Variants in FAM13A observed in about 807,000 individuals in gnomAD.
The protein encoded by FAM13A is family with sequence similarity 13 member A.
A neutral mutation model predicts 129.6 loss-of-function variants in FAM13A; 76 were observed. That is an observed-to-expected ratio of 0.59 (90% CI 0.49 to 0.71). The LOEUF is 0.71. Ranked by LOEUF, FAM13A falls within the 30% of genes least tolerant of loss-of-function variation. The pLI is 0.00. For missense variants in FAM13A, 1,108 were observed against 1,249.3 expected (o/e 0.89, Z 1.70); for synonymous variants, 443 against 449.9 (o/e 0.98, Z 0.20).
chr4:88,999,786 T>C (rs1323025761), intron 3 of FAM13A, among the ~76,000 whole-genome samples: 1 of 152,202 alleles, frequency 6.6e-6, no homozygotes, highest in Non-Finnish European at 1.5e-5. Flanking sequence ...ATGGGTTCAG[T>C]AAAGCAGGTG....
At chr4:89,031,268 TA>T (rs1221885015) in intron 1 of FAM13A, among the ~76,000 whole-genome samples, 4 of 151,608 alleles carry the variant, frequency 2.6e-5, no homozygotes, top group Admixed American at 6.6e-5. Context: ...TAACAAAACT[TA>T]AAAAAAAATT....
chr4:88,829,311 T>C (rs1299616504), intron 7 of FAM13A, among the ~76,000 whole-genome samples: 2 of 152,206 alleles, frequency 1.3e-5, no homozygotes, highest in African/African-American at 4.8e-5. Context: ...TGGTGGTATG[T>C]GCCTGTGATC....
intron 6 of FAM13A, among the ~76,000 whole-genome samples, chr4:88,889,908 A>C (rs1360986125): frequency 6.6e-6 from 1 of 152,222 alleles, no homozygotes; most frequent in East Asian, 1.9e-4. Flanking sequence ...TTGTTACAGC[A>C]GTTAGCATTA....
chr4:88,823,808 C>A (rs183937918), intron 7 of FAM13A, among the ~76,000 whole-genome samples: 3 of 152,286 alleles, frequency 2.0e-5, no homozygotes, highest in South Asian at 4.1e-4. Context: ...CATCACCCAG[C>A]GCACGTAGCT....
At chr4:88,965,370 A>G (rs1279371932) in intron 4 of FAM13A, among the ~76,000 whole-genome samples, 1 of 152,222 alleles carries the variant, frequency 6.6e-6, no homozygotes, top group African/African-American at 2.4e-5. Flanking sequence ...ACTTCTCTCA[A>G]TTAAACAAAA....
intron 4 of FAM13A, among the ~76,000 whole-genome samples, chr4:88,949,237 AC>A (rs1756511157): frequency 6.6e-6 from 1 of 152,166 alleles, no homozygotes; most frequent in Admixed American, 6.5e-5. Context: ...TTAATTTGTA[AC>A]CCCTTTTGGT....
intron 8 of FAM13A, among the ~76,000 whole-genome samples, chr4:88,802,316 C>T (rs1245627546): frequency 6.6e-6 from 1 of 152,148 alleles, no homozygotes; most frequent in Non-Finnish European, 1.5e-5. Flanking sequence ...TGTTTGAGCT[C>T]CTATAACTGC....
intron 19 of FAM13A, 55 bp downstream of exon 19, chr4:88,746,877 C>T: frequency 2.7e-6 from 3 of 1,131,618 alleles, no homozygotes; most frequent in Non-Finnish European, 4.0e-6. Context: ...CATAGAAAAT[C>T]CATTTCTAAA....
At chr4:88,802,253 T>C (rs1386515179) in intron 8 of FAM13A, among the ~76,000 whole-genome samples, 1 of 151,576 alleles carries the variant, frequency 6.6e-6, no homozygotes, top group Non-Finnish European at 1.5e-5. Context: ...TCCCTAATCA[T>C]TTCAACTGGG....
chr4:88,863,122 C>T (rs558549623), intron 6 of FAM13A, among the ~76,000 whole-genome samples: 2 of 151,994 alleles, frequency 1.3e-5, no homozygotes, highest in African/African-American at 4.8e-5. Flanking sequence ...AGGCTGAAAA[C>T]TGCTAGAGAG....
chr4:88,828,102 A>G (rs776765160), intron 7 of FAM13A, among the ~76,000 whole-genome samples: 1 of 152,048 alleles, frequency 6.6e-6, no homozygotes, highest in African/African-American at 2.4e-5. Context: ...AATCCTACCT[A>G]TACTTTAGGT....
At chr4:88,981,934 A>T (rs1414571363) in intron 4 of FAM13A, among the ~76,000 whole-genome samples, 2 of 152,226 alleles carry the variant, frequency 1.3e-5, no homozygotes, top group Non-Finnish European at 2.9e-5. Context: ...TCAGGAATTA[A>T]GATCCGAGTC....
rs779525517 is a variant in FAM13A, at chr4:88,758,792, G to A, written c.1688C>T (p.Ser563Leu). The change falls in exon 14 of 24, where the codon TCG becomes TTG. Residue 563 changes from serine (S) to leucine (L), a missense_variant. Transcript: ENST00000264344. ...TTCATCACACAATGCAGTCAGGTCC[G>A]ACTGGGGCACTTCGGAGACAAAGCT... Reference protein sequence around the residue: ...EESFVSEVPQSDLTALCDEKN... With the variant: ...EESFVSEVPQLDLTALCDEKN... 3.7e-6 allele frequency: 6 copies of A among 1,613,838 alleles called. No homozygotes were observed. Among genetic ancestry groups the A allele is most frequent in the Admixed American group, 1.7e-5 (1 of 59,992 alleles).
At chr4:88,880,783 C>CGGGGGGGGGGG (rs70959631) in intron 6 of FAM13A, among the ~76,000 whole-genome samples, 1 of 30,054 alleles carries the variant, frequency 3.3e-5, no homozygotes, top group African/African-American at 1.6e-4. Flanking sequence ...CGGTGGGGGG[C>CGGGGGGGGGGG]GGGGGGGGGG....
Position 89,056,942 on chromosome 4 carries a change from A to C in FAM13A, c.23T>G (p.Ile8Ser). The C allele has an allele frequency of 1.2e-6, 2 of 1,603,292 alleles. No homozygotes were observed. Among genetic ancestry groups the C allele is most frequent in the Non-Finnish European group, 1.7e-6 (2 of 1,173,922 alleles). ...CAGAAGAAGGCCTATACTTACACAG[A>C]TGGCTAGAGCTCCTGCCCCCATTCT... MGAGALA[I>S]CQSKAAVRLK... Residue 8 changes from isoleucine to serine, a missense_variant, in exon 1 of 24, where the codon ATC becomes AGC. Physicochemically the swap from Ile to Ser is moderately radical, Grantham distance 142. Coordinates refer to ENST00000264344, the MANE Select transcript of FAM13A (RefSeq NM_014883.4).
At chr4:88,876,584 CT>C (rs1170742162) in intron 6 of FAM13A, among the ~76,000 whole-genome samples, 19 of 152,084 alleles carry the variant, frequency 1.2e-4, no homozygotes, top group African/African-American at 3.9e-4. Flanking sequence ...CACCTACCCC[CT>C]GGTCACATCA....
chr4:88,995,047 C>G (rs1305186652), intron 3 of FAM13A, among the ~76,000 whole-genome samples: 1 of 151,002 alleles, frequency 6.6e-6, no homozygotes, highest in Non-Finnish European at 1.5e-5. Flanking sequence ...TTGTTGCACA[C>G]TATGTATATT....
intron 7 of FAM13A, among the ~76,000 whole-genome samples, chr4:88,845,443 C>T (rs1030418426): frequency 6.6e-6 from 1 of 151,964 alleles, no homozygotes; most frequent in African/African-American, 2.4e-5. Flanking sequence ...GAACAGCAGA[C>T]AGACAGAGCA....
intron 4 of FAM13A, among the ~76,000 whole-genome samples, chr4:88,947,817 T>A (rs773437677): frequency 6.6e-6 from 1 of 150,666 alleles, no homozygotes; most frequent in African/African-American, 2.4e-5. Flanking sequence ...TACAATTTTG[T>A]GTTTTGATGA....
Sources: allele counts gnomAD v4.1 joint callset (sites outside exome capture counted in the v4.1 genomes callset), GRCh38; gene constraint gnomAD v4.1.1; transcripts MANE v1.5; gene names NCBI Gene and HGNC (gene_info 2026-07-23, HGNC 2026-07-21).